Variants in TLN2 observed in about 807,000 individuals in gnomAD.
The protein encoded by TLN2 is talin 2, also known as talin-2.
Under a neutral mutation model 294.7 loss-of-function variants are expected in TLN2, and 118 were observed. That is an observed-to-expected ratio of 0.40 (90% CI 0.34 to 0.47). TLN2 has a LOEUF of 0.47. Among genes scored for constraint, TLN2 ranks in the 20% least tolerant of loss-of-function variants. TLN2 has a pLI of 0.84. For missense variants in TLN2, 3,083 were observed against 3,282.2 expected, an observed-to-expected ratio of 0.94 and a Z score of 1.48; for synonymous variants, 1,431 against 1,304.5, an observed-to-expected ratio of 1.10 and a Z score of -2.09.
At chr15:62,522,443 C>T (rs1214059631) in intron 1 of TLN2, among the ~76,000 whole-genome samples, 2 of 152,134 alleles carry the variant, frequency 1.3e-5, no homozygotes, top group Non-Finnish European at 2.9e-5. Flanking sequence ...AAATACGGGT[C>T]AGCTTGCTGA....
chr15:62,653,498 G>T (rs999725245), intron 7 of TLN2, among the ~76,000 whole-genome samples, 184 bp downstream of exon 7: 1 of 152,162 alleles, frequency 6.6e-6, no homozygotes, highest in Non-Finnish European at 1.5e-5. Context: ...GGCCAAGGCA[G>T]GTGTATTACC....
chr15:62,495,945 CAAAA>C (rs35350561), intron 1 of TLN2, among the ~76,000 whole-genome samples: 1 of 123,950 alleles, frequency 8.1e-6, no homozygotes, highest in African/African-American at 3.1e-5. Context: ...AGTTCTAGGC[CAAAA>C]AAAAAAAAAC....
At chr15:62,711,336 G>A (rs1204622643) in intron 21 of TLN2, among the ~76,000 whole-genome samples, 23 of 152,174 alleles carry the variant, frequency 1.5e-4, no homozygotes, top group African/African-American at 2.4e-5. Flanking sequence ...AAAAGGATGA[G>A]CAGAGAGAAA....
chr15:62,697,364 C>T (rs772153871), intron 14 of TLN2, among the ~76,000 whole-genome samples: 1 of 152,172 alleles, frequency 6.6e-6, no homozygotes, highest in Non-Finnish European at 1.5e-5. Flanking sequence ...CCCATTTGGC[C>T]TCCAAAAGGG....
chr15:62,818,647 G>T (rs2067305792), intron 52 of TLN2, among the ~76,000 whole-genome samples: 2 of 152,286 alleles, frequency 1.3e-5, no homozygotes, highest in South Asian at 4.1e-4. Flanking sequence ...TCCCAGGAGA[G>T]CTTGCAGTCA....
intron 1 of TLN2, among the ~76,000 whole-genome samples, chr15:62,579,563 A>G (rs987336379): frequency 9.9e-5 from 15 of 152,258 alleles, no homozygotes; most frequent in African/African-American, 3.6e-4. Flanking sequence ...TGTTGCATTT[A>G]TGCTGTGGTG....
At chr15:62,774,166 C>G (rs552365030) in intron 42 of TLN2, among the ~76,000 whole-genome samples, 4 of 152,308 alleles carry the variant, frequency 2.6e-5, no homozygotes, top group Non-Finnish European at 5.9e-5. Context: ...AATCTGCTCC[C>G]CTGTGGCCTT....
chr15:62,796,072 T>A, intron 46 of TLN2, 55 bp from the exon 47 acceptor site: 2 of 1,581,176 alleles, frequency 1.3e-6, no homozygotes, highest in Non-Finnish European at 1.7e-6. Context: ...AATCTGCTTT[T>A]AGGTCCTGTT....
chr15:62,717,413 G>A (rs1007736210), intron 23 of TLN2, among the ~76,000 whole-genome samples, 163 bp from the exon 24 acceptor site: 2 of 152,178 alleles, frequency 1.3e-5, no homozygotes, highest in African/African-American at 4.8e-5. Context: ...GGAAGATAGC[G>A]TGTTGTAAGA....
At chr15:62,692,756 T>C in intron 12 of TLN2, 84 bp from the exon 13 acceptor site, 1 of 1,002,098 alleles carries the variant, frequency 1.0e-6, no homozygotes. Context: ...GTCTATGTCA[T>C]ATTGTTCTAG....
At chr15:62,769,615 A>AT (rs1373295240) in intron 41 of TLN2, among the ~76,000 whole-genome samples, 1 of 152,112 alleles carries the variant, frequency 6.6e-6, no homozygotes, top group African/African-American at 2.4e-5. Flanking sequence ...ATTAAGTTTT[A>AT]TTTTTTGGAC....
At chr15:62,419,715 C>T (rs2034283849) in intron 1 of TLN2, among the ~76,000 whole-genome samples, 2 of 151,976 alleles carry the variant, frequency 1.3e-5, no homozygotes, top group Admixed American at 6.5e-5. Flanking sequence ...TGGCTCACTG[C>T]AGCCTCGACC....
chr15:62,819,400 G>C (rs562444611), intron 52 of TLN2, 116 bp from the exon 53 acceptor site: 1 of 795,852 alleles, frequency 1.3e-6, no homozygotes, highest in Admixed American at 2.0e-5. Context: ...ACTTGGGACA[G>C]AGATGCAACT....
chr15:62,667,545 T>C (rs578232028), intron 9 of TLN2, among the ~76,000 whole-genome samples: 1 of 152,316 alleles, frequency 6.6e-6, no homozygotes, highest in East Asian at 1.9e-4. Context: ...CTCTCACAAA[T>C]GAGGCGACAT....
At chr15:62,431,046 G>A (rs539241122) in intron 1 of TLN2, among the ~76,000 whole-genome samples, 4 of 152,008 alleles carry the variant, frequency 2.6e-5, no homozygotes, top group South Asian at 2.1e-4. Context: ...CTGGATTCTT[G>A]TTAGAAATAA....
At chr15:62,719,686 G>A (rs933016263) in intron 24 of TLN2, 81 bp from the exon 25 acceptor site, 3 of 1,176,756 alleles carry the variant, frequency 2.5e-6, no homozygotes, top group Middle Eastern at 2.1e-4. Flanking sequence ...CATCCAAAAA[G>A]CGCACTTGGG....
intron 1 of TLN2, among the ~76,000 whole-genome samples, chr15:62,472,378 C>T (rs371889298): frequency 1.2e-4 from 19 of 152,308 alleles, no homozygotes; most frequent in African/African-American, 1.7e-4. Flanking sequence ...CTTTCACCCA[C>T]GCTAGTGTGA....
At chr15:62,631,045 C>G (rs1260290566) in intron 3 of TLN2, among the ~76,000 whole-genome samples, 1 of 151,980 alleles carries the variant, frequency 6.6e-6, no homozygotes, top group Non-Finnish European at 1.5e-5. Context: ...GCTTAGCTAG[C>G]CTTTTCTCAC....
At chr15:62,434,757 G>A (rs1244011222) in intron 1 of TLN2, among the ~76,000 whole-genome samples, 3 of 152,188 alleles carry the variant, frequency 2.0e-5, no homozygotes, top group African/African-American at 7.2e-5. Flanking sequence ...ATGTGAGGTT[G>A]AGCATTTTCT....
Sources: allele counts gnomAD v4.1 joint callset (sites outside exome capture counted in the v4.1 genomes callset), GRCh38; gene constraint gnomAD v4.1.1; transcripts MANE v1.5; gene names NCBI Gene and HGNC (gene_info 2026-07-23, HGNC 2026-07-21).